ZNF99: variants seen among roughly 807,000 people sequenced by gnomAD.
The protein encoded by ZNF99 is zinc finger protein ENSP00000375192.
A neutral mutation model predicts 12.8 loss-of-function variants in ZNF99; 8 were observed. That is an observed-to-expected ratio of 0.62 (90% CI 0.37 to 1.13). ZNF99 has a LOEUF of 1.13. ZNF99 is among the 50% of genes most tolerant of loss of function. The probability of loss-of-function intolerance (pLI) is 0.02; values close to 1 mark genes in which losing one functional copy is unlikely to be tolerated. For synonymous variants in ZNF99, 318 were observed against 319.0 expected (o/e 1.00, Z 0.03); for missense variants, 1,007 against 1,006.2 (o/e 1.00, Z -0.01).
chr19:22,754,364 TTC>T lies in ZNF99; in HGVS notation c.*2948_*2949del. ...TTTGGGCGACAGAGTGAGACTCCAT[TTC>T]AAAAAAAAAAAAAAAACTTTGCCAC... On this transcript the variant is annotated 3_prime_UTR_variant, in exon 4 of 4. Coordinates refer to ENST00000596209, the MANE Select transcript of ZNF99 (RefSeq NM_001080409.3). 2.5e-6 allele frequency: 1 copy of T among 403,678 alleles called. No homozygotes were observed. 25.0% of individuals were successfully genotyped at this position (403,678 alleles called of 1,614,324 possible).
intron 1 of ZNF99, among the ~76,000 whole-genome samples, chr19:22,780,045 T>G (rs1973370411): frequency 6.6e-6 from 1 of 152,096 alleles, no homozygotes; most frequent in African/African-American, 2.4e-5. Flanking sequence ...CTTTCCAGGG[T>G]TCTGTGGCTT....
At chr19:22,770,003 T>C (rs372682404) in intron 1 of ZNF99, 10 of 1,352,402 alleles carry the variant, frequency 7.4e-6, no homozygotes, top group Non-Finnish European at 9.8e-6. Context: ...AAGACACCTC[T>C]CAAATTTTAA....
At chr19:22,764,337 G>GAA (rs1390583737) in intron 3 of ZNF99, among the ~76,000 whole-genome samples, 2 of 152,138 alleles carry the variant, frequency 1.3e-5, no homozygotes, top group Non-Finnish European at 2.9e-5. Context: ...TCTAAGACCT[G>GAA]AAAGTATAAA....
In ZNF99 at chr19:22,755,659, G is replaced by C. The variant is rs769065049; in HGVS notation, c.*1655C>G. 21 of 285,004 alleles carry C rather than the reference G, an allele frequency of 7.4e-5. No homozygotes were observed. The highest frequency in any genetic ancestry group is 1.3e-4 in the Non-Finnish European group (18 of 138,632). The allele number at this position is 285,004 out of a possible 1,614,324, so 17.7% of individuals were successfully genotyped here. On this transcript the variant is annotated 3_prime_UTR_variant, in exon 4 of 4. Coordinates refer to ENST00000596209, the MANE Select transcript of ZNF99 (RefSeq NM_001080409.3). ...GATAAATTATTTTATGTTGAGTAAA[G>C]TTTGAGGACTGGTTAAAAGCTTTGC...
chr19:22,769,550 G>C (rs181280669), intron 1 of ZNF99, among the ~76,000 whole-genome samples: 1 of 152,062 alleles, frequency 6.6e-6, no homozygotes, highest in Non-Finnish European at 1.5e-5. Flanking sequence ...GGAAGATCAC[G>C]AAGTCAGGAG....
rs1055680958 is a variant in ZNF99, at chr19:22,784,104, G to A, written c.-88C>T. On this transcript the variant is annotated 5_prime_UTR_variant, in exon 1 of 4. Coordinates refer to ENST00000596209, the MANE Select transcript of ZNF99 (RefSeq NM_001080409.3). The stretch of plus-strand genomic sequence containing the variant: ...GGGCCACAGAGGCTAAGGACACAGA[G>A]CAGTAAAAACGAGATCCGGAGCTCC... The A allele has an allele frequency of 2.7e-5, 41 of 1,501,122 alleles. No individual in the cohort carries two copies. Among genetic ancestry groups the A allele is most frequent in the Admixed American group, 5.4e-5 (3 of 55,378 alleles). 93.0% of individuals were successfully genotyped at this position (1,501,122 alleles called of 1,614,324 possible).
rs755557750 is a variant in ZNF99 at position 22,759,494 on chromosome 19, T to C, written c.415A>G (p.Thr139Ala). Residue 139 changes from threonine (T) to alanine (A), a missense_variant, in exon 4 of 4, where the codon ACT becomes GCT. Transcript: ENST00000596209. ...CACTGAAATATTTTTCCCTGGGTAGTTGTCCAACATTGGTTAAGTTTATTA... is the reference window on the plus strand; with the variant it reads ...CACTGAAATATTTTTCCCTGGGTAGCTGTCCAACATTGGTTAAGTTTATTA... ...AYNKLNQCWT[T>A]TQGKIFQCNK... 6.8e-6 allele frequency: 11 copies of C among 1,606,750 alleles called. No homozygotes were observed. The East Asian group carries it at 1.8e-4, about 26-fold the overall frequency.
At position 22,756,867 on chromosome 19, in the gene ZNF99, C is replaced by A. The variant is rs1296060131; in HGVS notation, c.*447G>T. 6.2e-7 allele frequency: 1 copy of A among 1,611,676 alleles called. No homozygotes were observed. The highest frequency in any genetic ancestry group is 8.5e-7 in the Non-Finnish European group (1 of 1,178,974). Reference sequence around the variant, plus strand: ...CTTAAAAGCTTTGCCACATTCTTCACATTTGTAGGGTTTCTCTACAGTATG... The same window carrying A: ...CTTAAAAGCTTTGCCACATTCTTCAAATTTGTAGGGTTTCTCTACAGTATG... On this transcript the variant is annotated 3_prime_UTR_variant, in exon 4 of 4. Coordinates refer to ENST00000596209, the MANE Select transcript of ZNF99 (RefSeq NM_001080409.3).
intron 1 of ZNF99, chr19:22,769,909 A>T: frequency 7.3e-7 from 1 of 1,361,024 alleles, no homozygotes; most frequent in Non-Finnish European, 9.8e-7. Flanking sequence ...GGGCATGATA[A>T]CATGTACATT....
rs771326518 is a variant in ZNF99 at position 22,768,395 on chromosome 19, C to T, written c.136G>A (p.Ala46Thr). ...NYRNLVFLGI[A>T]VSKLDLITCL... The stretch of plus-strand genomic sequence containing the variant: ...GTTATCAAGTCTAGCTTAGAGACAG[C>T]GATACCTGTTTTATTAAAAATAAAT... Residue 46 changes from alanine (A) to threonine (T), a missense_variant, in exon 3 of 4, where the codon GCT becomes ACT. Transcript: ENST00000596209. The T allele has an allele frequency of 9.7e-5, 156 of 1,606,858 alleles. No individual in the cohort carries two copies. In the Admixed American group the frequency reaches 2.2e-3, roughly 23 times the overall value.
chr19:22,782,831 G>A (rs1485170001), intron 1 of ZNF99, among the ~76,000 whole-genome samples: 3 of 150,898 alleles, frequency 2.0e-5, no homozygotes, highest in East Asian at 2.0e-4. Context: ...CCACACTCCC[G>A]GCTAATTTTT....
chr19:22,759,749 A>T, intron 3 of ZNF99, 67 bp from the exon 4 acceptor site: 3 of 1,213,626 alleles, frequency 2.5e-6, no homozygotes, highest in Non-Finnish European at 3.3e-6. Flanking sequence ...TTACAAATCT[A>T]ACCTATAAAA....
At chr19:22,759,805 C>A (rs1186304183) in intron 3 of ZNF99, 123 bp from the exon 4 acceptor site, 21 of 635,172 alleles carry the variant, frequency 3.3e-5, no homozygotes, top group Non-Finnish European at 4.9e-5. Context: ...ATAAGACAGG[C>A]CCTAATTTCT....
At chr19:22,769,568 C>A (rs1243916402) in intron 1 of ZNF99, among the ~76,000 whole-genome samples, 1 of 151,934 alleles carries the variant, frequency 6.6e-6, no homozygotes, top group Middle Eastern at 3.2e-3. Flanking sequence ...GAGATTGAGA[C>A]CATCCTGGCT....
chr19:22,754,664 C>T lies in ZNF99; in HGVS notation c.*2650G>A. ...TGCCACATTCTTCATATTTGTAGGGCTAGTTTCCATTATGAATTATCTTAT... is the reference window on the plus strand; with the variant it reads ...TGCCACATTCTTCATATTTGTAGGGTTAGTTTCCATTATGAATTATCTTAT... On this transcript the variant is annotated 3_prime_UTR_variant, in exon 4 of 4. Coordinates refer to ENST00000596209, the MANE Select transcript of ZNF99 (RefSeq NM_001080409.3). 3.1e-6 allele frequency: 1 copy of T among 322,744 alleles called. No individual in the cohort carries two copies. The allele number at this position is 322,744 out of a possible 1,614,324, so 20.0% of individuals were successfully genotyped here.
chr19:22,781,999 G>T (rs1038155744), intron 1 of ZNF99, among the ~76,000 whole-genome samples: 2 of 151,330 alleles, frequency 1.3e-5, no homozygotes, highest in Non-Finnish European at 2.9e-5. Context: ...AGTGTCAGGG[G>T]ATTATTTTTT....
At chr19:22,763,995 G>A (rs1973178238) in intron 3 of ZNF99, among the ~76,000 whole-genome samples, 1 of 132,532 alleles carries the variant, frequency 7.5e-6, no homozygotes, top group African/African-American at 3.0e-5. Context: ...CACAACTTCT[G>A]CCTCCCGGGT....
rs751810498 is a variant in ZNF99 at position 22,759,474 on chromosome 19, A to T, written c.435T>A (p.Phe145Leu). The change falls in exon 4 of 4, where the codon TTT becomes TTA. Residue 145 changes from phenylalanine (F) to leucine (L), a missense_variant. Coordinates refer to ENST00000596209, the MANE Select transcript of ZNF99 (RefSeq NM_001080409.3). ...AGACTTTCACATATTTGTTACACTG[A>T]AATATTTTTCCCTGGGTAGTTGTCC... ...QCWTTTQGKI[F>L]QCNKYVKVFH... is the part of the protein sequence containing the mutation. 19 of 1,606,502 alleles carry T rather than the reference A, an allele frequency of 1.2e-5. No individual in the cohort carries two copies. The South Asian group carries it at 2.1e-4, about 18-fold the overall frequency.
intron 2 of ZNF99, among the ~76,000 whole-genome samples, 169 bp downstream of exon 2, chr19:22,769,029 C>CAAA (rs34074141): frequency 9.4e-6 from 1 of 106,054 alleles, no homozygotes; most frequent in Non-Finnish European, 2.1e-5. Context: ...AACTCTGTTT[C>CAAA]AAAAAAAAAA....
Sources: gnomAD v4.1 joint callset for allele counts (sites outside exome capture counted in the v4.1 genomes callset) on GRCh38, gnomAD v4.1.1 for gene constraint, MANE v1.5 for transcripts, NCBI Gene and HGNC (gene_info 2026-07-23, HGNC 2026-07-21) for gene names.